The following CNKSR2 variants were observed in gnomAD, a reference collection of about 807,000 sequenced individuals.
CNKSR2 encodes CNK homolog protein 2.
In CNKSR2, 14 loss-of-function variants were observed where a neutral mutation model predicts 84.4. That is an observed-to-expected ratio of 0.17 (90% confidence interval 0.11 to 0.26). The LOEUF (loss-of-function observed/expected upper bound fraction) is 0.26. CNKSR2 is among the 10% of genes least tolerant of loss of function. The probability of loss-of-function intolerance (pLI) is 1.00; values close to 1 mark genes in which losing one functional copy is unlikely to be tolerated. For synonymous variants in CNKSR2, 275 were observed against 277.9 expected, an observed-to-expected ratio of 0.99 and a Z score of 0.10; for missense variants, 485 against 771.2, an observed-to-expected ratio of 0.63 and a Z score of 4.40.
chrX:21,609,453 G>A lies in CNKSR2; in HGVS notation c.2528G>A (p.Arg843Gln), dbSNP rs1569272601. 2 of 1,211,187 alleles carry A rather than the reference G, an allele frequency of 1.7e-6. No individual in the cohort carries two copies. The highest frequency in any genetic ancestry group is 1.8e-5 in the South Asian group (1 of 56,931). The part of the protein sequence containing the change: ...QVLNGNGGKP[R>Q]SFTLPRDSGF... ...CTAAATGGAAATGGGGGCAAGCCTC[G>A]AAGTTTTACTCTGCCTCGAGATAGC... The change falls in exon 20 of 22, where the codon CGA (arginine) becomes CAA (glutamine). Residue 843 changes from arginine to glutamine, a missense_variant. Arg to Gln is a conservative substitution (Grantham distance 43). Transcript: ENST00000379510.
intron 1 of CNKSR2, among the ~76,000 whole-genome samples, chrX:21,398,813 GTTC>G (rs1328331045): frequency 8.9e-6 from 1 of 111,987 alleles, no homozygotes; most frequent in African/African-American, 3.2e-5. Flanking sequence ...GCGGTTTTGA[GTTC>G]TTAATTTAAT....
At chrX:21,450,239 A>G (rs2090909905) in intron 4 of CNKSR2, among the ~76,000 whole-genome samples, 1 of 111,799 alleles carries the variant, frequency 8.9e-6, no homozygotes, top group Admixed American at 9.5e-5. Context: ...CGTTAGTACT[A>G]GGAAACTTAA....
intron 3 of CNKSR2, among the ~76,000 whole-genome samples, chrX:21,439,124 T>G (rs1247418928): frequency 1.8e-5 from 2 of 111,463 alleles, no homozygotes; most frequent in East Asian, 5.6e-4. Context: ...AACAGGAGAA[T>G]AAAAATTCTT....
intron 3 of CNKSR2, among the ~76,000 whole-genome samples, chrX:21,433,653 TACAC>T (rs56377458): frequency 0.022 from 1,938 of 87,493 alleles, 16 homozygotes; most frequent in African/African-American, 0.042. Flanking sequence ...TATGTGTTCC[TACAC>T]ACACACACAC....
At chrX:21,523,774 A>T (rs2091807797) in intron 9 of CNKSR2, among the ~76,000 whole-genome samples, 1 of 110,597 alleles carries the variant, frequency 9.0e-6, no homozygotes, top group African/African-American at 3.3e-5. Context: ...ACAACTAGGA[A>T]TTTCTCACTG....
At chrX:21,509,379 CT>C (rs1224836655) in intron 8 of CNKSR2, among the ~76,000 whole-genome samples, 1 of 111,570 alleles carries the variant, frequency 9.0e-6, no homozygotes, top group East Asian at 2.8e-4. Context: ...AAAATAAAAT[CT>C]TTCCCGTATT....
intron 9 of CNKSR2, among the ~76,000 whole-genome samples, chrX:21,517,969 T>C (rs1280223807): frequency 1.8e-5 from 2 of 112,265 alleles, no homozygotes; most frequent in African/African-American, 3.2e-5. Flanking sequence ...GTTGGCATTA[T>C]ACTTAATATA....
At chrX:21,459,186 G>T (rs2091030705) in intron 4 of CNKSR2, among the ~76,000 whole-genome samples, 1 of 109,346 alleles carries the variant, frequency 9.1e-6, no homozygotes, top group Admixed American at 9.8e-5. Context: ...CCACCACCCG[G>T]CTACTTTTTG....
At chrX:21,564,744 G>T (rs1235467800) in intron 13 of CNKSR2, among the ~76,000 whole-genome samples, 1 of 104,210 alleles carries the variant, frequency 9.6e-6, no homozygotes, top group Non-Finnish European at 1.9e-5. Flanking sequence ...AAACTAGAGT[G>T]TAGAAAAATG....
intron 5 of CNKSR2, among the ~76,000 whole-genome samples, chrX:21,475,980 A>G (rs987352339): frequency 4.5e-5 from 5 of 111,374 alleles, no homozygotes; most frequent in South Asian, 3.8e-4. Flanking sequence ...GATTAGAGAT[A>G]CTCAACCTGT....
intron 5 of CNKSR2, among the ~76,000 whole-genome samples, chrX:21,485,500 C>T (rs2091374509): frequency 9.1e-6 from 1 of 110,092 alleles, no homozygotes; most frequent in Admixed American, 9.8e-5. Context: ...TAGTATAGAA[C>T]AGAATACAAA....
At chrX:21,457,408 TC>T (rs767822937) in intron 4 of CNKSR2, among the ~76,000 whole-genome samples, 78 of 111,725 alleles carry the variant, frequency 7.0e-4, no homozygotes, top group Non-Finnish European at 1.4e-3. Context: ...TGCATATTTT[TC>T]TCTAGACCAC....
At chrX:21,545,013 A>G (rs1487926901) in intron 11 of CNKSR2, among the ~76,000 whole-genome samples, 1 of 110,908 alleles carries the variant, frequency 9.0e-6, no homozygotes, top group African/African-American at 3.3e-5. Flanking sequence ...TACCCCATTG[A>G]CACCTGGAAT....
intron 15 of CNKSR2, chrX:21,592,101 T>G (rs1005942318): frequency 9.8e-5 from 11 of 111,960 alleles, no homozygotes. Flanking sequence ...CTAGATAATT[T>G]TATGTTCCCT....
intron 8 of CNKSR2, among the ~76,000 whole-genome samples, chrX:21,510,697 C>G (rs1383036261): frequency 8.9e-6 from 1 of 112,077 alleles, no homozygotes; most frequent in East Asian, 2.8e-4. Flanking sequence ...AAAACAATTA[C>G]AAGCCCCATC....
chrX:21,608,968 A>G (rs1383388699), intron 19 of CNKSR2, 103 bp from the exon 20 acceptor site: 40 of 1,082,984 alleles, frequency 3.7e-5, no homozygotes, highest in Non-Finnish European at 4.6e-5. Flanking sequence ...ACTACGTAAG[A>G]GTTCATCTAC....
In CNKSR2 at chrX:21,527,554, A is replaced by G. The variant is rs1465259636; in HGVS notation, c.1091+554A>G. On this transcript the variant is annotated intron_variant, in intron 10 of 21. Coordinates refer to ENST00000379510, the MANE Select transcript of CNKSR2 (RefSeq NM_014927.5). ...AGTAGAGTTTACAAGGGAATGAATT[A>G]CCCTTAAAGTCTATTTTCTAGATTT... Among the ~76,000 whole-genome samples, 4 of 110,783 alleles carry G rather than the reference A, an allele frequency of 3.6e-5. No individual in the cohort carries two copies. In the East Asian group the frequency reaches 1.1e-3, roughly 31 times the overall value.
At chrX:21,575,277 T>C (rs1406461977) in intron 13 of CNKSR2, among the ~76,000 whole-genome samples, 2 of 111,383 alleles carry the variant, frequency 1.8e-5, no homozygotes, top group African/African-American at 6.5e-5. Context: ...TCCTCACTTA[T>C]TTATATAATT....
chrX:21,591,279 A>G, intron 15 of CNKSR2, 85 bp downstream of exon 15: 10 of 842,240 alleles, frequency 1.2e-5, no homozygotes, highest in Non-Finnish European at 1.5e-5. Flanking sequence ...TTAAAATCGT[A>G]TAATCACCTT....
Sources: allele counts gnomAD v4.1 joint callset (sites outside exome capture counted in the v4.1 genomes callset), GRCh38; gene constraint gnomAD v4.1.1; transcripts MANE v1.5; gene names NCBI Gene and HGNC (gene_info 2026-07-23, HGNC 2026-07-21).